Variants in DPP6 observed in about 807,000 individuals in gnomAD.
The protein encoded by DPP6 is dipeptidyl peptidase like 6.
Under a neutral mutation model 122.6 loss-of-function variants are expected in DPP6, and 69 were observed. The observed-to-expected ratio is 0.56, with a 90% confidence interval of 0.46 to 0.69. DPP6 has a LOEUF of 0.69. Among genes scored for constraint, DPP6 ranks in the 30% least tolerant of loss-of-function variants. DPP6 has a pLI of 0.00. For missense variants in DPP6, 928 were observed against 1,116.9 expected, an observed-to-expected ratio of 0.83 and a Z score of 2.41; for synonymous variants, 418 against 433.1, an observed-to-expected ratio of 0.97 and a Z score of 0.43.
chr7:154,558,296 C>T (rs1456668602), intron 4 of DPP6, among the ~76,000 whole-genome samples: 1 of 152,008 alleles, frequency 6.6e-6, no homozygotes, highest in African/African-American at 2.4e-5. Context: ...TAATGAAACA[C>T]CAAAAGGCAG....
intron 1 of DPP6, among the ~76,000 whole-genome samples, chr7:154,024,973 A>G (rs1798899946): frequency 6.6e-6 from 1 of 152,146 alleles, no homozygotes. Flanking sequence ...AACTTGAGGG[A>G]CCTTGCATGT....
intron 4 of DPP6, among the ~76,000 whole-genome samples, chr7:154,556,214 G>A (rs1317570062): frequency 6.6e-6 from 1 of 152,162 alleles, no homozygotes; most frequent in Non-Finnish European, 1.5e-5. Context: ...TATCAATTAT[G>A]AGGTAGGTAC....
At chr7:153,804,885 G>GA in the DPP6 span, among the ~76,000 whole-genome samples, 3,371 of 147,190 alleles carry the variant, frequency 0.023, 119 homozygotes, top group African/African-American at 0.075. Context: ...CTTCATCTCA[G>GA]AAAAAAAAAA....
rs1799782319 is a variant in DPP6, at chr7:154,821,651, T to TATATATATATACAC, written c.1666+14550_1666+14551insCACATATATATATA. ...CTGTATATATATATATATATACACA[T>TATATATATATACAC]ATATATATATATACACATATATATA... On this transcript the variant is annotated intron_variant, in intron 16 of 25. Coordinates refer to ENST00000377770, the MANE Select transcript of DPP6 (RefSeq NM_130797.4). The surrounding 1 kb of genome is among the most constrained non-coding windows in gnomAD (Gnocchi z 4.2). Among the ~76,000 whole-genome samples, 1 of 8,546 alleles carries TATATATATATACAC rather than the reference T, an allele frequency of 1.2e-4. No homozygotes were observed. The highest frequency in any genetic ancestry group is 2.4e-4 in the African/African-American group (1 of 4,102). 5.6% of individuals were successfully genotyped at this position (8,546 alleles called of 152,430 possible).
intron 1 of DPP6, among the ~76,000 whole-genome samples, chr7:154,007,604 ATTTG>A (rs974895212): frequency 3.3e-5 from 5 of 152,116 alleles, no homozygotes; most frequent in African/African-American, 2.4e-5. Flanking sequence ...TAGAGTGAAA[ATTTG>A]TTTGAGGTCA....
intron 16 of DPP6, among the ~76,000 whole-genome samples, chr7:154,841,004 T>C (rs1801485940): frequency 6.6e-6 from 1 of 152,210 alleles, no homozygotes; most frequent in Admixed American, 6.5e-5. Flanking sequence ...TAGATTCCTA[T>C]GTTCCAAGTA....
intron 8 of DPP6, among the ~76,000 whole-genome samples, chr7:154,730,698 G>C (rs752697904): frequency 3.9e-5 from 6 of 152,296 alleles, no homozygotes; most frequent in Admixed American, 6.5e-5. Context: ...AGAGAGATCA[G>C]TGCAAATAAT....
chr7:154,441,464 T>G (rs560794459), intron 1 of DPP6, among the ~76,000 whole-genome samples: 1 of 152,226 alleles, frequency 6.6e-6, no homozygotes, highest in South Asian at 2.1e-4. Flanking sequence ...CAGTTCCTTT[T>G]GTGTCCCACT....
chr7:154,315,894 C>T (rs1807390573), intron 1 of DPP6, among the ~76,000 whole-genome samples: 1 of 152,152 alleles, frequency 6.6e-6, no homozygotes. Context: ...CTTCCTGTAC[C>T]TTGACACACA....
At chr7:153,927,122 G>T (rs535732396) in intron 1 of DPP6, among the ~76,000 whole-genome samples, 1 of 152,104 alleles carries the variant, frequency 6.6e-6, no homozygotes, top group Non-Finnish European at 1.5e-5. Context: ...AGACCAATCT[G>T]GGCAACAGAG....
At chr7:154,763,389 G>A (rs1224631312) in intron 8 of DPP6, among the ~76,000 whole-genome samples, 1 of 151,570 alleles carries the variant, frequency 6.6e-6, no homozygotes, top group Non-Finnish European at 1.5e-5. Context: ...AGAAAGAAAG[G>A]GAAAGGGAGA....
At chr7:154,112,404 G>C (rs1015216129) in intron 1 of DPP6, among the ~76,000 whole-genome samples, 1 of 152,072 alleles carries the variant, frequency 6.6e-6, no homozygotes, top group African/African-American at 2.4e-5. Context: ...CAGTATTTTG[G>C]GAGGCTGAGG....
intron 16 of DPP6, among the ~76,000 whole-genome samples, chr7:154,840,553 C>T (rs552252713): frequency 5.3e-5 from 8 of 152,290 alleles, no homozygotes; most frequent in East Asian, 1.9e-4. Flanking sequence ...TACACGCAAG[C>T]GTTGTCTCGG....
At chr7:153,887,706 A>G in exon 1 of DPP6, 5 of 1,613,924 alleles carry the variant, frequency 3.1e-6, no homozygotes, top group East Asian at 2.2e-5. Flanking sequence ...GCCATGATCA[A>G]GACCGCTAAG....
intron 3 of DPP6, among the ~76,000 whole-genome samples, chr7:154,519,745 A>G (rs1826818913): frequency 1.3e-5 from 2 of 152,178 alleles, no homozygotes; most frequent in Non-Finnish European, 2.9e-5. Flanking sequence ...AGAGTTGTGT[A>G]TAGACAAGCT....
chr7:154,862,524 A>G (rs892523466), intron 17 of DPP6, among the ~76,000 whole-genome samples: 48 of 152,374 alleles, frequency 3.2e-4, no homozygotes, highest in Non-Finnish European at 6.3e-4. Flanking sequence ...CAAGCCACGC[A>G]TGGAGCTGCA....
At chr7:154,227,451 G>A (rs763186535) in intron 1 of DPP6, among the ~76,000 whole-genome samples, 2 of 152,022 alleles carry the variant, frequency 1.3e-5, no homozygotes, top group Non-Finnish European at 2.9e-5. Flanking sequence ...TATAAAGTTT[G>A]TTATTGCAAA....
chr7:154,121,338 A>C (rs1401496959), intron 1 of DPP6, among the ~76,000 whole-genome samples: 1 of 152,038 alleles, frequency 6.6e-6, no homozygotes. Flanking sequence ...TTCTTTTGCT[A>C]GTTTCGTAAG....
the DPP6 span, among the ~76,000 whole-genome samples, chr7:153,855,912 C>T: frequency 5.1e-4 from 78 of 152,194 alleles, 1 homozygote; most frequent in African/African-American, 1.9e-3. Flanking sequence ...ACCTTTTAAG[C>T]TTTTTGGTTA....
Sources: gnomAD v4.1 joint callset for allele counts (sites outside exome capture counted in the v4.1 genomes callset) on GRCh38, gnomAD v4.1.1 for gene constraint, Gnocchi (gnomAD v3.1) non-coding constraint, MANE v1.5 for transcripts, NCBI Gene and HGNC (gene_info 2026-07-23, HGNC 2026-07-21) for gene names.